ZNF423: variants seen among roughly 807,000 people sequenced by gnomAD.
ZNF423 encodes zinc finger protein 423.
A neutral mutation model predicts 95.8 loss-of-function variants in ZNF423; 12 were observed. The ratio of observed to expected loss-of-function variants is 0.13; its 90% CI spans 0.08 to 0.20. The LOEUF (loss-of-function observed/expected upper bound fraction) is 0.20. ZNF423 is among the 10% of genes least tolerant of loss of function. ZNF423 has a pLI of 1.00. For synonymous variants in ZNF423, 749 were observed against 711.9 expected (o/e 1.05, Z -0.83); for missense variants, 1,316 against 1,737.1 (o/e 0.76, Z 4.31).
At chr16:49,600,130 G>A (rs1417380000) in intron 5 of ZNF423, among the ~76,000 whole-genome samples, 1 of 151,962 alleles carries the variant, frequency 6.6e-6, no homozygotes, top group Admixed American at 6.6e-5. Context: ...TGGCCAACAT[G>A]GTGAAACCCT....
At chr16:49,577,773 C>T (rs1051658700) in intron 5 of ZNF423, among the ~76,000 whole-genome samples, 1 of 152,230 alleles carries the variant, frequency 6.6e-6, no homozygotes, top group Non-Finnish European at 1.5e-5. Flanking sequence ...GAGACCTCCA[C>T]TGTAGAAGCA....
chr16:49,565,072 C>T (rs1970143963), intron 5 of ZNF423, among the ~76,000 whole-genome samples: 1 of 152,308 alleles, frequency 6.6e-6, no homozygotes, highest in East Asian at 1.9e-4. Context: ...CTCCCCAGCT[C>T]GACCCAGCAG....
chr16:49,525,223 C>G, intron 6 of ZNF423, 140 bp downstream of exon 6: 2 of 1,296,656 alleles, frequency 1.5e-6, no homozygotes, highest in African/African-American at 1.5e-5. Context: ...GTTAATCCCT[C>G]AGGGTATCCC....
At chr16:49,493,986 C>G (rs1485241249) in intron 7 of ZNF423, among the ~76,000 whole-genome samples, 1 of 152,174 alleles carries the variant, frequency 6.6e-6, no homozygotes, top group African/African-American at 2.4e-5. Context: ...CCCCAAGGAC[C>G]ACCCACTACC....
intron 3 of ZNF423, among the ~76,000 whole-genome samples, chr16:49,691,063 C>G (rs925558128): frequency 1.3e-5 from 2 of 152,228 alleles, no homozygotes; most frequent in Non-Finnish European, 2.9e-5. Context: ...AAGCAGCCGT[C>G]GGAGGGGGCT....
At chr16:49,702,931 AC>A (rs2032236583) in intron 3 of ZNF423, among the ~76,000 whole-genome samples, 5 of 151,824 alleles carry the variant, frequency 3.3e-5, no homozygotes, top group Admixed American at 6.6e-5. Context: ...ACACACACAC[AC>A]ACACACACAC....
At chr16:49,604,867 C>T (rs183492693) in intron 5 of ZNF423, among the ~76,000 whole-genome samples, 65 of 152,306 alleles carry the variant, frequency 4.3e-4, no homozygotes, top group African/African-American at 1.5e-3. Context: ...ACACTGTCCC[C>T]TCCAGAACCC....
intron 1 of ZNF423, among the ~76,000 whole-genome samples, chr16:49,812,170 G>A (rs1205340447): frequency 6.6e-6 from 1 of 152,234 alleles, no homozygotes; most frequent in East Asian, 1.9e-4. Context: ...TATACTCAGA[G>A]AGGTTAAGAC....
intron 3 of ZNF423, among the ~76,000 whole-genome samples, chr16:49,647,257 C>T (rs752672431): frequency 7.9e-5 from 12 of 152,242 alleles, no homozygotes; most frequent in Non-Finnish European, 1.6e-4. Flanking sequence ...CCAGGCTAGG[C>T]TGGGTCTGAT....
chr16:49,806,989 T>C (rs2034674365), intron 1 of ZNF423, among the ~76,000 whole-genome samples: 2 of 146,524 alleles, frequency 1.4e-5, no homozygotes, highest in African/African-American at 5.1e-5. Context: ...ATCGTGCCAT[T>C]GCACTCCAGC....
rs756191611 is a variant in ZNF423 at position 49,636,846 on chromosome 16, ACGTGCACCTGCAGGTCAG to A, written c.2312_2329del (p.Ala771_His776del). 5.6e-6 allele frequency: 9 copies of A among 1,613,892 alleles called. No homozygotes were observed. The highest frequency in any genetic ancestry group is 7.6e-6 in the Non-Finnish European group (9 of 1,180,028). ...CGGGTTGCCCAGGTGGCTGTGTTTGACGTGCACCTGCAGGTCAGCCTCCTTGCGGAAGTCCCAGTTGCA... is the reference window on the plus strand; with the variant it reads ...CGGGTTGCCCAGGTGGCTGTGTTTGACCTCCTTGCGGAAGTCCCAGTTGCA... On this transcript the variant is annotated inframe_deletion, in exon 4 of 8. Transcript: ENST00000563137. The surrounding 1 kb of genome is among the most constrained non-coding windows in gnomAD (Gnocchi z 8.6).
chr16:49,730,993 T>A (rs1337546707), intron 2 of ZNF423, 22 bp from the exon 3 acceptor site: 1 of 1,612,300 alleles, frequency 6.2e-7, no homozygotes, highest in Non-Finnish European at 8.5e-7. Flanking sequence ...AAGAATACAG[T>A]CCATGTCAGC....
In ZNF423 at chr16:49,521,292, A is replaced by G. The variant is rs189100714; in HGVS notation, c.3849+2332T>C. Among the ~76,000 whole-genome samples, 25 of 152,340 alleles carry G rather than the reference A, an allele frequency of 1.6e-4. No homozygotes were observed. In the East Asian group the frequency reaches 4.4e-3, roughly 27 times the overall value. ...GGAGCTGAGCAAGTTCAAAGTGTAA[A>G]TAAATCGTAGTTTATATGCACTCAC... On this transcript the variant is annotated intron_variant, in intron 7 of 7. Coordinates refer to ENST00000563137, the MANE Select transcript of ZNF423 (RefSeq NM_001379286.1).
At chr16:49,531,615 C>T (rs1417112541) in intron 5 of ZNF423, among the ~76,000 whole-genome samples, 1 of 152,056 alleles carries the variant, frequency 6.6e-6, no homozygotes, top group African/African-American at 2.4e-5. Context: ...CAGATTGGGC[C>T]GTTTATCTAT....
At chr16:49,832,689 G>A (rs573359212) in intron 1 of ZNF423, among the ~76,000 whole-genome samples, 2 of 152,294 alleles carry the variant, frequency 1.3e-5, no homozygotes, top group South Asian at 4.1e-4. Context: ...TGAACTGAGA[G>A]GACCCACTGC....
chr16:49,542,702 G>A lies in ZNF423; in HGVS notation c.3602-17208C>T, dbSNP rs548036838. ...CAACCACTTTGTCTGGCTGGGTGCA[G>A]GCTGGGCCCCAGCCCACCCTGGGGA... On this transcript the variant is annotated intron_variant, in intron 5 of 7. Coordinates refer to ENST00000563137, the MANE Select transcript of ZNF423 (RefSeq NM_001379286.1). 3.0e-3 allele frequency among the ~76,000 whole-genome samples: 462 copies of A among 152,336 alleles called. 2 individuals are homozygous for A. Among genetic ancestry groups the A allele is most frequent in the Middle Eastern group, 6.8e-3 (2 of 294 alleles).
chr16:49,632,084 C>A (rs999898436), intron 4 of ZNF423, among the ~76,000 whole-genome samples: 3 of 152,190 alleles, frequency 2.0e-5, no homozygotes, highest in Admixed American at 2.0e-4. Flanking sequence ...CCTGTCCCAC[C>A]TAGCAGAGAA....
At chr16:49,838,787 C>T (rs2035149784) in intron 1 of ZNF423, among the ~76,000 whole-genome samples, 1 of 151,826 alleles carries the variant, frequency 6.6e-6, no homozygotes, top group South Asian at 2.1e-4. Context: ...TGCGCCTTCC[C>T]AGCCGGCCCC....
chr16:49,701,864 A>C (rs915780143), intron 3 of ZNF423, among the ~76,000 whole-genome samples: 9 of 152,196 alleles, frequency 5.9e-5, no homozygotes, highest in Non-Finnish European at 1.0e-4. Flanking sequence ...ATGAAGAAAA[A>C]AAATCTCCCC....
Sources: gnomAD v4.1 joint callset for allele counts (sites outside exome capture counted in the v4.1 genomes callset) on GRCh38, gnomAD v4.1.1 for gene constraint, Gnocchi (gnomAD v3.1) non-coding constraint, MANE v1.5 for transcripts, NCBI Gene and HGNC (gene_info 2026-07-23, HGNC 2026-07-21) for gene names.